TMEM150B: variants seen among roughly 807,000 people sequenced by gnomAD.
TMEM150B encodes the protein transmembrane protein 150B, also known as modulator of macroautophagy TMEM150B.
In TMEM150B, 33 loss-of-function variants were observed where a neutral mutation model predicts 25.2. That is an observed-to-expected ratio of 1.31 (90% confidence interval 0.99 to 1.75). TMEM150B has a LOEUF of 1.75. TMEM150B is among the 40% of genes most tolerant of loss of function. The pLI is 0.00. For missense variants in TMEM150B, 322 were observed against 306.1 expected, an observed-to-expected ratio of 1.05 and a Z score of -0.39; for synonymous variants, 133 against 134.8, an observed-to-expected ratio of 0.99 and a Z score of 0.09.
chr19:55,321,452 G>T (rs2089206521), intron 2 of TMEM150B, among the ~76,000 whole-genome samples: 1 of 152,050 alleles, frequency 6.6e-6, no homozygotes, highest in Admixed American at 6.6e-5. Context: ...TCGGGATGGG[G>T]CTCAGACAGG....
chr19:55,324,507 G>C (rs998875731), intron 1 of TMEM150B, among the ~76,000 whole-genome samples: 2 of 152,090 alleles, frequency 1.3e-5, no homozygotes, highest in East Asian at 3.9e-4. Flanking sequence ...AATTAGCCGG[G>C]TGTGGTGGCA....
chr19:55,320,540 A>T lies in TMEM150B; in HGVS notation c.128+18T>A, dbSNP rs1473110329. On this transcript the variant is annotated intron_variant, in intron 4 of 7. Coordinates refer to ENST00000326652, the MANE Select transcript of TMEM150B (RefSeq NM_001282011.2). ...GCAGCGGCGATCCCCCCAAATCCCTACCCTCGGGCAGAATTACCTGATGTA... is the reference window on the plus strand; with the variant it reads ...GCAGCGGCGATCCCCCCAAATCCCTTCCCTCGGGCAGAATTACCTGATGTA... The T allele has an allele frequency of 6.2e-7, 1 of 1,613,680 alleles. No homozygotes were observed. The highest frequency in any genetic ancestry group is 2.2e-5 in the East Asian group (1 of 44,886).
At chr19:55,319,820 A>G (rs2384687) in intron 6 of TMEM150B, 526,710 of 1,374,612 alleles carry the variant, frequency 0.38, 103,856 homozygotes, top group South Asian at 0.48. Context: ...CTGGAAGTCA[A>G]CGAAGTCCTA....
Position 55,316,921 on chromosome 19 carries a change from A to C in TMEM150B, c.370T>G (p.Phe124Val), listed in dbSNP as rs767882271. Reference protein sequence around the residue: ...PTHLAGAFLAFILGNVYFWLQ... With the variant: ...PTHLAGAFLAVILGNVYFWLQ... ...CAGAAGTAGACGTTACCCAAGATGA[A>C]GGCAAGGAAGGCCCCTGCCAAGTGC... Residue 124 changes from phenylalanine to valine, a missense_variant, in exon 7 of 8, where the codon TTC becomes GTC. Phe to Val is a conservative substitution (Grantham distance 50). Transcript: ENST00000326652. The C allele has an allele frequency of 6.2e-7, 1 of 1,606,666 alleles. No homozygotes were observed. The highest frequency in any genetic ancestry group is 8.5e-7 in the Non-Finnish European group (1 of 1,177,662).
At chr19:55,311,877 C>T (rs761971334), downstream of TMEM150B, 24 of 1,605,030 alleles carry the variant, frequency 1.5e-5, no homozygotes, top group Admixed American at 6.8e-5. Context: ...CCCTGGGCTG[C>T]GGAACCCACG....
chr19:55,312,588 C>A, downstream of TMEM150B: 1 of 257,870 alleles, frequency 3.9e-6, no homozygotes. Context: ...TAGCCTTGAT[C>A]AGGGACAGCT....
chr19:55,312,147 C>A, downstream of TMEM150B: 4 of 646,502 alleles, frequency 6.2e-6, no homozygotes, highest in Non-Finnish European at 1.0e-5. Context: ...TAAATAAGGC[C>A]CAAGGAACAT....
chr19:55,312,017 C>A (rs777121131), downstream of TMEM150B: 2 of 1,512,324 alleles, frequency 1.3e-6, no homozygotes, highest in Non-Finnish European at 1.8e-6. Context: ...CCCGCCGAGG[C>A]CCCCCCAAGG....
downstream of TMEM150B, chr19:55,312,171 T>C: frequency 1.8e-6 from 1 of 565,678 alleles, no homozygotes; most frequent in Non-Finnish European, 3.0e-6. Flanking sequence ...GGGAGGGGGG[T>C]GGACACAAAA....
rs146272852 is a variant in TMEM150B, at chr19:55,323,441, G to GA, written c.-153-699dup. ...GAGCAAAACTCTGTCTCAGAAAAAAGAAAAAAAAAATGTGCGACTCAGCGA... is the reference window on the plus strand; with the variant it reads ...GAGCAAAACTCTGTCTCAGAAAAAAGAAAAAAAAAAATGTGCGACTCAGCGA... On this transcript the variant is annotated intron_variant, in intron 1 of 7. Coordinates refer to ENST00000326652, the MANE Select transcript of TMEM150B (RefSeq NM_001282011.2). 1.6e-3 allele frequency among the ~76,000 whole-genome samples: 222 copies of GA among 143,168 alleles called. 1 individual carries two copies. Among genetic ancestry groups the GA allele is most frequent in the Admixed American group, 2.7e-3 (39 of 14,328 alleles). 93.9% of individuals were successfully genotyped at this position (143,168 alleles called of 152,430 possible). A position where few individuals can be genotyped will look rare whatever the true frequency, so the allele number is the denominator to read the frequency against.
chr19:55,313,968 G>A (rs2088903987), intron 7 of TMEM150B, among the ~76,000 whole-genome samples: 1 of 152,164 alleles, frequency 6.6e-6, no homozygotes, highest in African/African-American at 2.4e-5. Flanking sequence ...GGGAGGCCAA[G>A]GTGGGAGGAT....
At chr19:55,317,096 T>A in intron 6 of TMEM150B, 130 bp from the exon 7 acceptor site, 6 of 745,154 alleles carry the variant, frequency 8.1e-6, no homozygotes, top group Non-Finnish European at 1.3e-5. Flanking sequence ...GATGGGCTTA[T>A]TAAGCACATC....
At chr19:55,316,631 C>T (rs1190264301) in intron 7 of TMEM150B, 155 bp downstream of exon 7, 9 of 801,612 alleles carry the variant, frequency 1.1e-5, no homozygotes, top group Non-Finnish European at 1.6e-5. Flanking sequence ...AACCTGACCC[C>T]GAAGTCGGCA....
intron 6 of TMEM150B, among the ~76,000 whole-genome samples, chr19:55,317,388 G>A (rs993123896): frequency 6.6e-6 from 1 of 152,122 alleles, no homozygotes; most frequent in African/African-American, 2.4e-5. Flanking sequence ...GCTCACATCT[G>A]TAATCCCAGC....
chr19:55,317,814 A>G (rs1652908300), intron 6 of TMEM150B, among the ~76,000 whole-genome samples: 1 of 150,568 alleles, frequency 6.6e-6, no homozygotes, highest in African/African-American at 2.4e-5. Flanking sequence ...TTAGCCGGTC[A>G]TGGTGGCTCA....
intron 6 of TMEM150B, among the ~76,000 whole-genome samples, chr19:55,317,245 G>A (rs2089035629): frequency 1.3e-5 from 2 of 152,170 alleles, no homozygotes; most frequent in South Asian, 2.1e-4. Context: ...CAAGGCGGGG[G>A]ACAGACATTT....
intron 6 of TMEM150B, among the ~76,000 whole-genome samples, chr19:55,318,467 A>G (rs189780303): frequency 9.9e-4 from 150 of 152,216 alleles, no homozygotes; most frequent in African/African-American, 3.5e-3. Flanking sequence ...TCCCATCTCT[A>G]CTAAAAATAC....
chr19:55,311,021 C>T (rs2088778758), downstream of TMEM150B, among the ~76,000 whole-genome samples: 1 of 152,060 alleles, frequency 6.6e-6, no homozygotes. Flanking sequence ...AGTGCAGTGG[C>T]GCGATCTCAG....
chr19:55,320,058 G>A lies in TMEM150B; in HGVS notation c.305C>T (p.Ser102Phe), dbSNP rs376234678. The A allele has an allele frequency of 1.6e-5, 26 of 1,613,982 alleles. No homozygotes were observed. Among genetic ancestry groups the A allele is most frequent in the Admixed American group, 5.0e-5 (3 of 59,994 alleles). ...TCTCACCTGGAAATTGCCTACCACG[G>A]AGGTGCCCAGGGCACACAGAAGACC... The part of the protein sequence containing the change: ...WTGLLCALGT[S>F]VVGNFQEKNQ... Residue 102 changes from serine (S) to phenylalanine (F), a missense_variant, in exon 6 of 8, where the codon TCC (serine) becomes TTC (phenylalanine). By Grantham distance (155) the Ser-to-Phe change is radical. Transcript: ENST00000326652.
Sources: gnomAD v4.1 joint callset for allele counts (sites outside exome capture counted in the v4.1 genomes callset) on GRCh38, gnomAD v4.1.1 for gene constraint, MANE v1.5 for transcripts, NCBI Gene and HGNC (gene_info 2026-07-23, HGNC 2026-07-21) for gene names.